PIGK: variants seen among roughly 807,000 people sequenced by gnomAD.
PIGK encodes the protein phosphatidylinositol glycan anchor biosynthesis class K.
Under a neutral mutation model 50.6 loss-of-function variants are expected in PIGK, and 42 were observed. The ratio of observed to expected loss-of-function variants is 0.83; its 90% CI spans 0.65 to 1.07. PIGK has a LOEUF of 1.07. PIGK is among the 50% of genes least tolerant of loss of function. The pLI is 0.00. For missense variants in PIGK, 448 were observed against 488.7 expected, an observed-to-expected ratio of 0.92 and a Z score of 0.78; for synonymous variants, 151 against 156.0, an observed-to-expected ratio of 0.97 and a Z score of 0.24.
At chr1:77,167,006 T>C (rs1236746801) in intron 4 of PIGK, among the ~76,000 whole-genome samples, 176 bp from the exon 5 acceptor site, 1 of 152,182 alleles carries the variant, frequency 6.6e-6, no homozygotes. Context: ...TTTAAACATA[T>C]ACCTCCAAGT....
intron 9 of PIGK, among the ~76,000 whole-genome samples, chr1:77,130,201 T>C (rs1367673817): frequency 6.8e-6 from 1 of 146,892 alleles, no homozygotes; most frequent in Admixed American, 6.7e-5. Flanking sequence ...TTTTTTTTTT[T>C]TTTTGCTATA....
At chr1:77,193,082 T>G (rs1296492504) in intron 3 of PIGK, among the ~76,000 whole-genome samples, 1 of 152,218 alleles carries the variant, frequency 6.6e-6, no homozygotes, top group Non-Finnish European at 1.5e-5. Flanking sequence ...GGCCAAATTC[T>G]TAGAAACCAT....
chr1:77,107,159 T>C (rs1653703939), intron 10 of PIGK, among the ~76,000 whole-genome samples: 1 of 152,240 alleles, frequency 6.6e-6, no homozygotes, highest in African/African-American at 2.4e-5. Flanking sequence ...CTTGCTTCTC[T>C]AGTTCTTTTA....
chr1:77,218,269 C>T, intron 1 of PIGK, among the ~76,000 whole-genome samples: 1 of 152,278 alleles, frequency 6.6e-6, no homozygotes, highest in East Asian at 1.9e-4. Context: ...ATAACCTGAT[C>T]AGGCTTACAT....
chr1:77,193,429 T>A (rs974674038), intron 3 of PIGK, among the ~76,000 whole-genome samples: 4 of 152,108 alleles, frequency 2.6e-5, no homozygotes, highest in African/African-American at 4.8e-5. Flanking sequence ...TAAATACAGT[T>A]TTCAGGGTGT....
chr1:77,162,073 A>G (rs1655140425), intron 6 of PIGK, among the ~76,000 whole-genome samples: 2 of 152,354 alleles, frequency 1.3e-5, no homozygotes, highest in East Asian at 1.9e-4. Flanking sequence ...CTTAGTAACT[A>G]TACTCAAAGA....
chr1:77,129,771 C>A, intron 9 of PIGK: 1 of 625,546 alleles, frequency 1.6e-6, no homozygotes, highest in Non-Finnish European at 2.4e-6. Flanking sequence ...GAAAAAGTTG[C>A]CCAACCTATA....
At chr1:77,100,616 T>C (rs189374536) in intron 10 of PIGK, among the ~76,000 whole-genome samples, 4 of 152,278 alleles carry the variant, frequency 2.6e-5, no homozygotes, top group Admixed American at 2.0e-4. Context: ...AATCAGTTGA[T>C]TCTCAGTTAA....
intron 4 of PIGK, among the ~76,000 whole-genome samples, chr1:77,168,319 G>A (rs1655278069): frequency 6.6e-6 from 1 of 152,120 alleles, no homozygotes; most frequent in Non-Finnish European, 1.5e-5. Context: ...CCTAGAACAT[G>A]AGTGTATAAA....
At chr1:77,161,858 G>C (rs1222042884) in intron 6 of PIGK, 147 bp from the exon 7 acceptor site, 4 of 622,252 alleles carry the variant, frequency 6.4e-6, no homozygotes, top group Admixed American at 2.7e-5. Context: ...ACAGAAATTT[G>C]ACCTCAGAAA....
At chr1:77,179,875 T>G (rs958375475) in intron 3 of PIGK, among the ~76,000 whole-genome samples, 1 of 152,210 alleles carries the variant, frequency 6.6e-6, no homozygotes, top group Admixed American at 6.5e-5. Context: ...ACATAAGCTT[T>G]TGCCAATAAA....
At chr1:77,191,626 T>C (rs998405258) in intron 3 of PIGK, among the ~76,000 whole-genome samples, 3 of 152,250 alleles carry the variant, frequency 2.0e-5, no homozygotes, top group African/African-American at 7.2e-5. Flanking sequence ...AAGATCTGCT[T>C]AGTTTTCTCC....
chr1:77,186,526 T>C (rs541377347), intron 3 of PIGK, among the ~76,000 whole-genome samples: 6 of 152,098 alleles, frequency 3.9e-5, no homozygotes, highest in African/African-American at 1.4e-4. Context: ...GGGGAAGAGG[T>C]ATGTGGATGG....
intron 3 of PIGK, among the ~76,000 whole-genome samples, chr1:77,179,734 T>G (rs555197071): frequency 6.6e-6 from 1 of 152,272 alleles, no homozygotes; most frequent in Admixed American, 6.5e-5. Flanking sequence ...TGGCTGAAGT[T>G]TTTCTTTTAA....
At chr1:77,132,772 G>T (rs974476863) in intron 9 of PIGK, among the ~76,000 whole-genome samples, 2 of 151,932 alleles carry the variant, frequency 1.3e-5, no homozygotes, top group Non-Finnish European at 2.9e-5. Context: ...AAAACATTTT[G>T]ATTTCATCTT....
intron 3 of PIGK, among the ~76,000 whole-genome samples, chr1:77,179,732 G>A (rs889481843): frequency 1.3e-5 from 2 of 152,028 alleles, no homozygotes; most frequent in Non-Finnish European, 2.9e-5. Context: ...TTTGGCTGAA[G>A]TTTTTCTTTT....
intron 3 of PIGK, among the ~76,000 whole-genome samples, chr1:77,185,917 G>T (rs1035139094): frequency 6.6e-6 from 1 of 152,176 alleles, no homozygotes; most frequent in African/African-American, 2.4e-5. Context: ...CTGTTACTGG[G>T]CTTTGGTGGA....
intron 10 of PIGK, among the ~76,000 whole-genome samples, chr1:77,101,649 G>A (rs1366163850): frequency 2.0e-5 from 3 of 152,146 alleles, no homozygotes; most frequent in Non-Finnish European, 2.9e-5. Flanking sequence ...GAAAAATTAA[G>A]AATTATAGTG....
chr1:77,183,071 T>C (rs1425576857), intron 3 of PIGK, among the ~76,000 whole-genome samples: 1 of 152,134 alleles, frequency 6.6e-6, no homozygotes, highest in East Asian at 1.9e-4. Context: ...GTTGAAATTG[T>C]GGAAAAACAG....
Sources: allele counts gnomAD v4.1 joint callset (sites outside exome capture counted in the v4.1 genomes callset), GRCh38; gene constraint gnomAD v4.1.1; transcripts MANE v1.5; gene names NCBI Gene and HGNC (gene_info 2026-07-23, HGNC 2026-07-21).